Variants in NUP43 observed in about 807,000 individuals in gnomAD.
NUP43 encodes the protein nucleoporin Nup43.
In NUP43, 32 loss-of-function variants were observed where a neutral mutation model predicts 47.3. The observed-to-expected ratio is 0.68, with a 90% CI of 0.51 to 0.91. The LOEUF (loss-of-function observed/expected upper bound fraction) is 0.91. Among genes scored for constraint, NUP43 ranks in the 40% least tolerant of loss-of-function variants. NUP43 has a pLI of 0.00. For synonymous variants in NUP43, 147 were observed against 158.4 expected, an observed-to-expected ratio of 0.93 and a Z score of 0.54; for missense variants, 444 against 453.9, an observed-to-expected ratio of 0.98 and a Z score of 0.20.
chr6:149,735,947 TG>T (rs1352809790), intron 6 of NUP43, among the ~76,000 whole-genome samples: 1 of 142,954 alleles, frequency 7.0e-6, no homozygotes, highest in African/African-American at 2.6e-5. Flanking sequence ...CACTCCAGCC[TG>T]GGCGACAGAA....
intron 7 of NUP43, among the ~76,000 whole-genome samples, chr6:149,729,086 G>A (rs1784914881): frequency 6.6e-6 from 1 of 152,054 alleles, no homozygotes; most frequent in Non-Finnish European, 1.5e-5. Context: ...CAACTCCCGG[G>A]TTCAAGCAAT....
At chr6:149,727,963 T>C (rs1460611685) in intron 7 of NUP43, 2 of 985,150 alleles carry the variant, frequency 2.0e-6, no homozygotes, top group African/African-American at 1.7e-5. Context: ...TGCTAAGTGC[T>C]CTGTGCCAAG....
upstream of NUP43, among the ~76,000 whole-genome samples, chr6:149,749,131 C>A (rs893921354): frequency 4.8e-4 from 73 of 151,504 alleles, no homozygotes; most frequent in African/African-American, 1.6e-3. Context: ...ACCCCCATGT[C>A]CTGGTACTCT....
chr6:149,745,273 G>A (rs1392352913), intron 2 of NUP43, among the ~76,000 whole-genome samples: 1 of 151,438 alleles, frequency 6.6e-6, no homozygotes, highest in Non-Finnish European at 1.5e-5. Flanking sequence ...GGTGGCCTGC[G>A]CCTGTAGTCC....
upstream of NUP43, among the ~76,000 whole-genome samples, chr6:149,747,284 A>AT (rs1407354208): frequency 4.0e-5 from 6 of 150,622 alleles, no homozygotes; most frequent in South Asian, 2.1e-4. Context: ...AATCAACACC[A>AT]TTTTTTTTCT....
rs185130296 is a variant in NUP43 at position 149,739,454 on chromosome 6, T to C, written c.503-676A>G. 3.2e-3 allele frequency among the ~76,000 whole-genome samples: 480 copies of C among 150,716 alleles called. 13 individuals are homozygous for C. The highest frequency in any genetic ancestry group is 6.7e-4 in the Non-Finnish European group (45 of 67,654). ...GGTACATGCCACCATGCCTGGCTAA[T>C]TTTTGTATTTTTAGTAGAGACGGAG... On this transcript the variant is annotated intron_variant, in intron 4 of 7. Transcript: ENST00000340413.
Position 149,736,619 on chromosome 6 carries a change from A to C in NUP43, c.642T>G (p.Thr214=). Residue 214 remains threonine (T), a synonymous_variant, in exon 6 of 8, where the codon ACT becomes ACG. Transcript: ENST00000340413. ...CACAGTGGAGTGGCACTCGGTCACCAGTCCTTTTGTGGGAGATAACAATGA... is the reference window on the plus strand; with the variant it reads ...CACAGTGGAGTGGCACTCGGTCACCCGTCCTTTTGTGGGAGATAACAATGA... ...GNEPSQILSL[T]GDRVPLHCVD... is the part of the protein sequence containing the mutation. 1.3e-6 allele frequency: 2 copies of C among 1,578,254 alleles called. No individual in the cohort carries two copies. Among genetic ancestry groups the C allele is most frequent in the Non-Finnish European group, 1.7e-6 (2 of 1,151,742 alleles).
intron 4 of NUP43, among the ~76,000 whole-genome samples, chr6:149,740,275 C>CAA (rs766447484): frequency 0.31 from 6,823 of 22,196 alleles, 1,526 homozygotes; most frequent in East Asian, 0.48. Flanking sequence ...GACCCTGTCT[C>CAA]AAAAAAAAAA....
intron 6 of NUP43, among the ~76,000 whole-genome samples, chr6:149,735,975 T>TAAA (rs75190982): frequency 3.4e-5 from 4 of 117,210 alleles, no homozygotes; most frequent in African/African-American, 3.4e-5. Context: ...CCTGTCTCTT[T>TAAA]AAAAAAAAAA....
At position 149,740,043 on chromosome 6, in the gene NUP43, G is replaced by A. The variant is rs556520705; in HGVS notation, c.503-1265C>T. 7.9e-5 allele frequency among the ~76,000 whole-genome samples: 12 copies of A among 152,242 alleles called. No individual in the cohort carries two copies. The South Asian group carries it at 1.2e-3, about 16-fold the overall frequency. On this transcript the variant is annotated intron_variant, in intron 4 of 7. Transcript: ENST00000340413. ...GTCATGTCTGTAATCTCAGCACTTCGGGAGGCCGAGGTGGGCAGACCACTT... is the reference window on the plus strand; with the variant it reads ...GTCATGTCTGTAATCTCAGCACTTCAGGAGGCCGAGGTGGGCAGACCACTT...
In NUP43 at chr6:149,726,861, TGTTTCCCCTGCAAATCTC is replaced by T. The variant is rs2115068374; in HGVS notation, c.*90_*107del. 1.3e-6 allele frequency: 1 copy of T among 791,572 alleles called. No individual in the cohort carries two copies. Among genetic ancestry groups the T allele is most frequent in the Admixed American group, 2.3e-5 (1 of 43,794 alleles). 49.0% of individuals were successfully genotyped at this position (791,572 alleles called of 1,614,324 possible). On this transcript the variant is annotated 3_prime_UTR_variant, in exon 8 of 8. Coordinates refer to ENST00000340413, the MANE Select transcript of NUP43 (RefSeq NM_198887.3). ...ATTGACATTAATGGTAGTTTACTGA[TGTTTCCCCTGCAAATCTC>T]GTATTTTCTGATACTAAAATTTTGC...
upstream of NUP43, among the ~76,000 whole-genome samples, chr6:149,749,106 T>A (rs1482574821): frequency 2.0e-5 from 3 of 151,580 alleles, no homozygotes; most frequent in Admixed American, 6.6e-5. Context: ...GGAGCAAAGC[T>A]TTGCCCCAAC....
At chr6:149,738,378 A>T (rs1582973817) in intron 5 of NUP43, among the ~76,000 whole-genome samples, 2 of 152,332 alleles carry the variant, frequency 1.3e-5, no homozygotes, top group Middle Eastern at 6.8e-3. Context: ...TCCATTAAAC[A>T]ATCATTGAAA....
intron 4 of NUP43, among the ~76,000 whole-genome samples, chr6:149,741,398 T>C (rs185433576): frequency 1.3e-5 from 2 of 152,192 alleles, no homozygotes; most frequent in Non-Finnish European, 2.9e-5. Context: ...GGTCTCAAAC[T>C]CTTGGCCTCA....
chr6:149,742,629 C>T lies in NUP43; in HGVS notation c.322-59G>A, dbSNP rs746680404. ...AAGTACTAAGGAATTAGCACTTCTT[C>T]CCAACAAGAGTATCTTTAAATTCTG... On this transcript the variant is annotated intron_variant, in intron 3 of 7. Coordinates refer to ENST00000340413, the MANE Select transcript of NUP43 (RefSeq NM_198887.3). 557 of 1,283,880 alleles carry T rather than the reference C, an allele frequency of 4.3e-4. 1 individual carries two copies. Among genetic ancestry groups the T allele is most frequent in the Non-Finnish European group, 5.6e-4 (506 of 898,630 alleles). The allele number at this position is 1,283,880 out of a possible 1,614,324, so 79.5% of individuals were successfully genotyped here. A position where few individuals can be genotyped will look rare whatever the true frequency, so the allele number is the denominator to read the frequency against.
Position 149,742,417 on chromosome 6 carries a change from C to G in NUP43, c.475G>C (p.Asp159His), listed in dbSNP as rs1785712413. The change falls in exon 4 of 8, where the codon GAT becomes CAT. Residue 159 changes from aspartate to histidine, a missense_variant. Coordinates refer to ENST00000340413, the MANE Select transcript of NUP43 (RefSeq NM_198887.3). The part of the protein sequence containing the change: ...EDGRINLFRA[D>H]HKEAVRTIDN... ...ATGGTTCTTACAGCTTCCTTGTGAT[C>G]AGCTCTGAAGAGATTTATTCGACCA... 2.5e-6 allele frequency: 4 copies of G among 1,614,048 alleles called. No homozygotes were observed. In the East Asian group the frequency reaches 8.9e-5, roughly 36 times the overall value.
At chr6:149,747,971 G>A (rs1488369645), upstream of NUP43, among the ~76,000 whole-genome samples, 1 of 152,170 alleles carries the variant, frequency 6.6e-6, no homozygotes, top group Non-Finnish European at 1.5e-5. Flanking sequence ...AATATTAAGT[G>A]GGTTACAGTC....
At chr6:149,746,887 A>G (rs1562387756), upstream of NUP43, among the ~76,000 whole-genome samples, 1 of 152,238 alleles carries the variant, frequency 6.6e-6, no homozygotes, top group Non-Finnish European at 1.5e-5. Flanking sequence ...AAAACGATTC[A>G]AAAATCCTTA....
intron 3 of NUP43, among the ~76,000 whole-genome samples, chr6:149,743,246 G>C (rs1339922697): frequency 1.3e-5 from 2 of 151,280 alleles, no homozygotes; most frequent in Non-Finnish European, 2.9e-5. Flanking sequence ...TTTTCTAAAT[G>C]ACTCAAAAAA....
Sources: allele counts gnomAD v4.1 joint callset (sites outside exome capture counted in the v4.1 genomes callset), GRCh38; gene constraint gnomAD v4.1.1; transcripts MANE v1.5; gene names NCBI Gene and HGNC (gene_info 2026-07-23, HGNC 2026-07-21).